Variants in SH2D6 observed in about 807,000 individuals in gnomAD.
SH2D6 encodes the protein SH2 domain-containing protein 6.
SH2D6 carries 31 observed loss-of-function variants against 30.2 expected under a neutral mutation model. The observed-to-expected ratio is 1.03, with a 90% CI of 0.77 to 1.38. The LOEUF is 1.38. Ranked by LOEUF, SH2D6 falls within the 40% of genes most tolerant of loss-of-function variation. The pLI is 0.00. For synonymous variants in SH2D6, 93 were observed against 104.6 expected, an observed-to-expected ratio of 0.89 and a Z score of 0.68; for missense variants, 240 against 266.8, an observed-to-expected ratio of 0.90 and a Z score of 0.70.
At chr2:85,433,655 A>C (rs1573242984) in intron 16 of SH2D6, 24 bp downstream of exon 16, 1 of 1,043,868 alleles carries the variant, frequency 9.6e-7, no homozygotes, top group Non-Finnish European at 1.2e-6. Context: ...TCAGCTCCAG[A>C]CCCCTCCTGC....
rs1185435293 is a variant in SH2D6, at chr2:85,419,207, C to T, written c.-614C>T. On this transcript the variant is annotated 5_prime_UTR_variant, in exon 2 of 24. Coordinates refer to ENST00000469800, the MANE Select transcript of SH2D6 (RefSeq NM_001394463.1). ...CGCGGTATCTGACCATCGTCGGCGC[C>T]CTGCGCCCAGGCATCAATTTTACAT... 1.3e-5 allele frequency: 2 copies of T among 152,340 alleles called. No homozygotes were observed. The highest frequency in any genetic ancestry group is 4.8e-5 in the African/African-American group (2 of 41,458). 9.4% of individuals were successfully genotyped at this position (152,340 alleles called of 1,614,324 possible).
At chr2:85,427,989 A>G (rs1296472256) in intron 6 of SH2D6, among the ~76,000 whole-genome samples, 1 of 152,086 alleles carries the variant, frequency 6.6e-6, no homozygotes, top group Non-Finnish European at 1.5e-5. Context: ...CCAGGATGCC[A>G]CCGAAATAAT....
chr2:85,425,568 G>A (rs1056462351), intron 6 of SH2D6, among the ~76,000 whole-genome samples, 161 bp downstream of exon 6: 2 of 152,030 alleles, frequency 1.3e-5, no homozygotes, highest in African/African-American at 2.4e-5. Flanking sequence ...ACGCCCGGCC[G>A]GATTAAAGTT....
intron 2 of SH2D6, among the ~76,000 whole-genome samples, 199 bp downstream of exon 2, chr2:85,419,443 G>A (rs1687666476): frequency 6.6e-6 from 1 of 152,200 alleles, no homozygotes; most frequent in South Asian, 2.1e-4. Context: ...CTCAGGGTCC[G>A]GCCTGCTCGG....
chr2:85,427,555 T>C (rs1456594878), intron 6 of SH2D6, among the ~76,000 whole-genome samples: 1 of 151,792 alleles, frequency 6.6e-6, no homozygotes, highest in Non-Finnish European at 1.5e-5. Context: ...GTGGCTGGAG[T>C]GAGGGCAGCA....
At position 85,436,487 on chromosome 2, in the gene SH2D6, A is replaced by G; in HGVS notation, c.913A>G (p.Met305Val). ...REELFSSVAA[M>V]VQHFMWHPLP... Reference sequence around the variant, plus strand: ...CCAGCTCTTCTCCTCCGTGGCGGCCATGGTCCAGCACTTCATGTGGCACCC... The same window carrying G: ...CCAGCTCTTCTCCTCCGTGGCGGCCGTGGTCCAGCACTTCATGTGGCACCC... Residue 305 changes from methionine (M) to valine (V), a missense_variant, in exon 23 of 24, where the codon ATG becomes GTG. Coordinates refer to ENST00000469800, the MANE Select transcript of SH2D6 (RefSeq NM_001394463.1). 1.2e-6 allele frequency: 2 copies of G among 1,613,646 alleles called. No individual in the cohort carries two copies. The highest frequency in any genetic ancestry group is 1.7e-6 in the Non-Finnish European group (2 of 1,179,974).
chr2:85,435,037 C>T, intron 19 of SH2D6, 28 bp from the exon 20 acceptor site: 1 of 1,571,020 alleles, frequency 6.4e-7, no homozygotes, highest in Non-Finnish European at 8.6e-7. Context: ...CCCCACCCCA[C>T]CCCAGCTCAA....
At chr2:85,435,184 T>G in intron 20 of SH2D6, 61 bp downstream of exon 20, 1 of 1,537,274 alleles carries the variant, frequency 6.5e-7, no homozygotes, top group African/African-American at 1.4e-5. Context: ...CTGAGAGTCC[T>G]TACCCAGGAA....
At position 85,435,901 on chromosome 2, in the gene SH2D6, A is replaced by G; in HGVS notation, c.891+77A>G. The G allele has an allele frequency of 2.1e-6, 3 of 1,438,180 alleles. No homozygotes were observed. In the South Asian group the frequency reaches 4.3e-5, roughly 21 times the overall value. 89.1% of individuals were successfully genotyped at this position (1,438,180 alleles called of 1,614,324 possible). ...CAGGCCTAGCCAAGAGCATTTGCCT[A>G]GGGAAAAATCTTCATTTTGTATCTT... On this transcript the variant is annotated intron_variant, in intron 22 of 23. Transcript: ENST00000469800.
intron 22 of SH2D6, among the ~76,000 whole-genome samples, 181 bp downstream of exon 22, chr2:85,436,005 C>T (rs1689414740): frequency 6.6e-6 from 1 of 152,192 alleles, no homozygotes; most frequent in African/African-American, 2.4e-5. Flanking sequence ...GGGAGGTGCC[C>T]CTCCTGCCAT....
chr2:85,420,092 T>TTTTGTTTGTTTG (rs141668785), intron 2 of SH2D6, among the ~76,000 whole-genome samples: 8 of 151,824 alleles, frequency 5.3e-5, no homozygotes, highest in African/African-American at 1.9e-4. Context: ...GCCCGTTCTG[T>TTTTGTTTGTTTG]TTTGTTTGTT....
chr2:85,428,210 G>A lies in SH2D6; in HGVS notation c.-208-374G>A, dbSNP rs189794171. Among the ~76,000 whole-genome samples the A allele has an allele frequency of 3.8e-3, 574 of 151,890 alleles. 5 individuals are homozygous for A. The highest frequency in any genetic ancestry group is 0.013 in the African/African-American group (549 of 41,534). ...GGAAGTCATGAGCTCCTTAAGGAAG[G>A]TCACAATTAGCACTGCTAATTCCAT... On this transcript the variant is annotated intron_variant, in intron 6 of 23. Coordinates refer to ENST00000469800, the MANE Select transcript of SH2D6 (RefSeq NM_001394463.1).
rs1689525122 is a variant in SH2D6, at chr2:85,436,904, G to C, written c.*80G>C. The C allele has an allele frequency of 3.3e-6, 1 of 303,566 alleles. No individual in the cohort carries two copies. The highest frequency in any genetic ancestry group is 6.3e-6 in the Non-Finnish European group (1 of 158,792). 18.8% of individuals were successfully genotyped at this position (303,566 alleles called of 1,614,324 possible). ...AACCGTGGTGGCCTAGACCAGTCAG[G>C]GGACAGCACAGGCACTGCTGGAACA... On this transcript the variant is annotated 3_prime_UTR_variant, in exon 24 of 24. Coordinates refer to ENST00000469800, the MANE Select transcript of SH2D6 (RefSeq NM_001394463.1).
At chr2:85,423,689 C>T (rs1425277880) in intron 5 of SH2D6, among the ~76,000 whole-genome samples, 1 of 152,236 alleles carries the variant, frequency 6.6e-6, no homozygotes, top group Non-Finnish European at 1.5e-5. Context: ...CTCTGTCAGC[C>T]CTTCATCACC....
chr2:85,434,658 A>G (rs1225707100), intron 19 of SH2D6, 161 bp downstream of exon 19: 1 of 1,308,216 alleles, frequency 7.6e-7, no homozygotes, highest in Non-Finnish European at 1.0e-6. Flanking sequence ...AGGCATCTTC[A>G]GCATGAATGC....
Position 85,435,760 on chromosome 2 carries a change from C to A in SH2D6, c.827C>A (p.Pro276His). ...CTCCGAGGCCGGGTCTTCAACATTC[C>A]CATCCGGCGGCTGGATGGCGGACGC... Reference protein sequence around the residue: ...VLLRGRVFNIPIRRLDGGRHY... With the variant: ...VLLRGRVFNIHIRRLDGGRHY... The change falls in exon 22 of 24, where the codon CCC (proline) becomes CAC (histidine). Residue 276 changes from proline to histidine, a missense_variant. By Grantham distance (77) the Pro-to-His change is moderately conservative. Transcript: ENST00000469800. 1 of 1,610,762 alleles carries A rather than the reference C, an allele frequency of 6.2e-7. No individual in the cohort carries two copies. Among genetic ancestry groups the A allele is most frequent in the East Asian group, 2.2e-5 (1 of 44,786 alleles).
intron 5 of SH2D6, among the ~76,000 whole-genome samples, chr2:85,423,245 C>A (rs865854183): frequency 6.9e-6 from 1 of 145,716 alleles, no homozygotes; most frequent in East Asian, 2.2e-4. Flanking sequence ...TTTTTTGAGA[C>A]GAAGTCTCAC....
At position 85,419,156 on chromosome 2, in the gene SH2D6, G is replaced by C. The variant is rs1339552054; in HGVS notation, c.-665G>C. On this transcript the variant is annotated 5_prime_UTR_variant, in exon 2 of 24. Coordinates refer to ENST00000469800, the MANE Select transcript of SH2D6 (RefSeq NM_001394463.1). The stretch of plus-strand genomic sequence containing the variant: ...GGAAGGCCTGGGTCCTCCAGGTCAG[G>C]GATGTAGGTCCCAGGGTGTGCAGGC... The C allele has an allele frequency of 2.6e-5, 4 of 152,436 alleles. No individual in the cohort carries two copies. The highest frequency in any genetic ancestry group is 5.9e-5 in the Non-Finnish European group (4 of 68,196). The allele number at this position is 152,436 out of a possible 1,614,324, so 9.4% of individuals were successfully genotyped here. A position where few individuals can be genotyped will look rare whatever the true frequency, so the allele number is the denominator to read the frequency against.
At chr2:85,419,901 G>A (rs1181364634) in intron 2 of SH2D6, among the ~76,000 whole-genome samples, 3 of 152,112 alleles carry the variant, frequency 2.0e-5, no homozygotes, top group Non-Finnish European at 4.4e-5. Flanking sequence ...TTAACTGGTC[G>A]CGTGGTCTCT....
Sources: allele counts gnomAD v4.1 joint callset (sites outside exome capture counted in the v4.1 genomes callset), GRCh38; gene constraint gnomAD v4.1.1; transcripts MANE v1.5; gene names NCBI Gene and HGNC (gene_info 2026-07-23, HGNC 2026-07-21).